Variants in FBXL13 observed in about 807,000 individuals in gnomAD.
FBXL13 encodes the protein F-box and leucine-rich repeat protein 13.
A neutral mutation model predicts 83.6 loss-of-function variants in FBXL13; 67 were observed. That is an observed-to-expected ratio of 0.80 (90% CI 0.66 to 0.98). The LOEUF (loss-of-function observed/expected upper bound fraction) is 0.98, where lower values mean the gene tolerates loss of function less well. Among genes scored for constraint, FBXL13 ranks in the 50% least tolerant of loss-of-function variants. The pLI, the probability that FBXL13 is intolerant of heterozygous loss-of-function variation, is 0.00. For synonymous variants in FBXL13, 272 were observed against 299.5 expected (o/e 0.91, Z 0.95); for missense variants, 822 against 866.5 (o/e 0.95, Z 0.64).
chr7:102,998,695 A>G (rs112244658), intron 6 of FBXL13, among the ~76,000 whole-genome samples: 2,347 of 152,114 alleles, frequency 0.015, 49 homozygotes, highest in African/African-American at 0.054. Context: ...GGTTGGGCGC[A>G]GTGGCTCCTG....
Position 103,018,158 on chromosome 7 carries a change from G to A in FBXL13, c.495+6905C>T, listed in dbSNP as rs560412414. 2.3e-4 allele frequency among the ~76,000 whole-genome samples: 35 copies of A among 152,258 alleles called. 1 individual carries two copies. The South Asian group carries it at 7.1e-3, about 31-fold the overall frequency. On this transcript the variant is annotated intron_variant, in intron 6 of 19. Coordinates refer to ENST00000313221, the Ensembl canonical transcript of FBXL13. The stretch of plus-strand genomic sequence containing the variant: ...AAATTCTACAAGCCAGAAGAGAGTG[G>A]GGGCCAATATTCAAAATTCTTAAAG...
intron 17 of FBXL13, among the ~76,000 whole-genome samples, chr7:102,842,474 G>A (rs1803121604): frequency 6.6e-6 from 1 of 152,218 alleles, no homozygotes; most frequent in Admixed American, 6.5e-5. Flanking sequence ...CCAGGGGGTG[G>A]AGTCTATCAA....
intron 8 of FBXL13, among the ~76,000 whole-genome samples, chr7:102,936,477 T>C (rs1820333452): frequency 6.6e-6 from 1 of 152,206 alleles, no homozygotes; most frequent in African/African-American, 2.4e-5. Context: ...AAAGAGTAAG[T>C]AAATGTAGTT....
At chr7:103,074,270 C>G in exon 1 of FBXL13, 3 of 1,005,126 alleles carry the variant, frequency 3.0e-6, no homozygotes, top group Non-Finnish European at 3.6e-6. Context: ...AGCTCCTTAT[C>G]TTAGGTGACT....
At chr7:103,037,162 T>C (rs1795153674) in intron 2 of FBXL13, among the ~76,000 whole-genome samples, 1 of 152,250 alleles carries the variant, frequency 6.6e-6, no homozygotes, top group South Asian at 2.1e-4. Flanking sequence ...CTTTACTTAA[T>C]GTTTTACTCC....
intron 1 of FBXL13, among the ~76,000 whole-genome samples, chr7:103,063,433 A>G (rs909631583): frequency 1.3e-5 from 2 of 152,250 alleles, no homozygotes; most frequent in African/African-American, 2.4e-5. Flanking sequence ...ACTTTTTATC[A>G]GCCAACATCA....
intron 8 of FBXL13, among the ~76,000 whole-genome samples, chr7:102,956,541 A>G (rs926804163): frequency 3.3e-5 from 5 of 152,188 alleles, no homozygotes; most frequent in Non-Finnish European, 2.9e-5. Context: ...CAGGGCAATC[A>G]GGCAAGAGAA....
chr7:103,038,172 G>C (rs1234912311), intron 2 of FBXL13, among the ~76,000 whole-genome samples: 2 of 152,226 alleles, frequency 1.3e-5, no homozygotes, highest in African/African-American at 4.8e-5. Context: ...GGCTCGGTGA[G>C]TCCCACACCC....
Position 102,919,353 on chromosome 7 carries a change from AC to A in FBXL13, c.879-6139del, listed in dbSNP as rs1816534587. 2.0e-5 allele frequency among the ~76,000 whole-genome samples: 3 copies of A among 152,348 alleles called. 1 individual carries two copies. In the South Asian group the frequency reaches 6.2e-4, roughly 32 times the overall value. On this transcript the variant is annotated intron_variant, in intron 10 of 19. Coordinates refer to ENST00000313221, the Ensembl canonical transcript of FBXL13. ...ATGATGAAAGAGACAACTTTGAAGG[AC>A]AGGAATAAAATCGGATCTAAAAATA...
intron 2 of FBXL13, among the ~76,000 whole-genome samples, chr7:103,034,280 C>T (rs970243658): frequency 6.6e-6 from 1 of 152,192 alleles, no homozygotes; most frequent in African/African-American, 2.4e-5. Context: ...GGACTGCGCA[C>T]CGTGGAGCGG....
At chr7:103,054,390 G>GA (rs5886240) in intron 2 of FBXL13, among the ~76,000 whole-genome samples, 15,628 of 120,342 alleles carry the variant, frequency 0.13, 1,075 homozygotes, top group East Asian at 0.31. Flanking sequence ...ACTCCGTCTG[G>GA]AAAAAAAAAA....
At chr7:102,856,252 G>C (rs1158603204) in intron 16 of FBXL13, among the ~76,000 whole-genome samples, 1 of 152,098 alleles carries the variant, frequency 6.6e-6, no homozygotes, top group Non-Finnish European at 1.5e-5. Flanking sequence ...ATGTGGTCTG[G>C]GTTCCAGATG....
At chr7:102,944,120 C>A in intron 8 of FBXL13, 5 of 988,568 alleles carry the variant, frequency 5.1e-6, no homozygotes, top group South Asian at 2.3e-5. Context: ...AAAATTAAGC[C>A]TCTTTTTAAA....
intron 8 of FBXL13, among the ~76,000 whole-genome samples, chr7:102,946,651 TTTATTTA>T (rs1822555446): frequency 3.9e-4 from 1 of 2,582 alleles, no homozygotes; most frequent in Non-Finnish European, 1.2e-3. Flanking sequence ...CTATTTTTAT[TTTATTTA>T]TTTATTTATT....
chr7:102,932,046 G>C (rs1318606544), intron 8 of FBXL13, 113 bp from the exon 10 acceptor site: 4 of 966,106 alleles, frequency 4.1e-6, no homozygotes, highest in African/African-American at 3.3e-5. Context: ...AAAAACCTTG[G>C]CAAGTAACAT....
intron 6 of FBXL13, among the ~76,000 whole-genome samples, chr7:102,972,461 G>C (rs1275726626): frequency 6.6e-6 from 1 of 152,004 alleles, no homozygotes; most frequent in Non-Finnish European, 1.5e-5. Context: ...ATATTTAAGA[G>C]TAACCAGTAA....
intron 8 of FBXL13, among the ~76,000 whole-genome samples, chr7:102,958,567 T>TAATAATAAA (rs1554479193): frequency 2.4e-5 from 3 of 123,622 alleles, no homozygotes; most frequent in African/African-American, 8.8e-5. Context: ...ATAATAATAA[T>TAATAATAAA]AAAACAGAGA....
intron 19 of FBXL13, among the ~76,000 whole-genome samples, chr7:102,821,690 C>T (rs1798829120): frequency 6.6e-6 from 1 of 152,156 alleles, no homozygotes; most frequent in African/African-American, 2.4e-5. Context: ...GAGGCAAAAA[C>T]TTGTGAGCTG....
In FBXL13 at chr7:103,055,513, C is replaced by T. The variant is rs140720015; in HGVS notation, c.-1+131G>A. The T allele has an allele frequency of 3.4e-3, 1,279 of 377,476 alleles. 24 individuals carry two copies. The highest frequency in any genetic ancestry group is 0.029 in the Admixed American group (668 of 23,378). 23.4% of individuals were successfully genotyped at this position (377,476 alleles called of 1,614,324 possible). On this transcript the variant is annotated intron_variant, in intron 2 of 19. Transcript: ENST00000313221. ...GGTTTGCGTCTTTGAAACTGAAAAG[C>T]CTGTGGAGGGATTCCTTAACAATCT...
Sources: allele counts gnomAD v4.1 joint callset (sites outside exome capture counted in the v4.1 genomes callset), GRCh38; gene constraint gnomAD v4.1.1; transcripts MANE v1.5; gene names NCBI Gene and HGNC (gene_info 2026-07-23, HGNC 2026-07-21).